Variants in TCF7L1 observed in about 807,000 individuals in gnomAD.
The protein encoded by TCF7L1 is transcription factor 7-like 1.
A neutral mutation model predicts 63.7 loss-of-function variants in TCF7L1; 18 were observed. The observed-to-expected ratio is 0.28, with a 90% CI of 0.20 to 0.42. The LOEUF (loss-of-function observed/expected upper bound fraction) is 0.42. TCF7L1 is among the 10% of genes least tolerant of loss of function. TCF7L1 has a pLI of 1.00. For synonymous variants in TCF7L1, 355 were observed against 340.9 expected (o/e 1.04, Z -0.46); for missense variants, 654 against 779.3 (o/e 0.84, Z 1.91).
intron 3 of TCF7L1, among the ~76,000 whole-genome samples, chr2:85,168,038 G>C (rs1678460533): frequency 6.6e-6 from 1 of 152,058 alleles, no homozygotes; most frequent in Non-Finnish European, 1.5e-5. Flanking sequence ...AGGGAATGGG[G>C]GAAGAGGGAA....
At chr2:85,180,010 G>A (rs1184074921) in intron 3 of TCF7L1, among the ~76,000 whole-genome samples, 1 of 152,098 alleles carries the variant, frequency 6.6e-6, no homozygotes, top group African/African-American at 2.4e-5. Flanking sequence ...CATAGGGGGT[G>A]TCTTGCCCTC....
At chr2:85,238,777 TTTTA>T (rs200688175) in intron 3 of TCF7L1, among the ~76,000 whole-genome samples, 46,737 of 138,888 alleles carry the variant, frequency 0.34, 8,362 homozygotes, top group South Asian at 0.39. Context: ...TTTTGGAGCA[TTTTA>T]TTTATTTATT....
intron 3 of TCF7L1, among the ~76,000 whole-genome samples, chr2:85,208,381 A>G (rs988370412): frequency 1.3e-5 from 2 of 152,194 alleles, no homozygotes; most frequent in Non-Finnish European, 2.9e-5. Flanking sequence ...AGAGAGAGAC[A>G]TACGTATACA....
intron 4 of TCF7L1, among the ~76,000 whole-genome samples, chr2:85,299,877 A>ACACACACACACACACACACACG (rs1261157575): frequency 2.1e-5 from 3 of 144,834 alleles, no homozygotes; most frequent in African/African-American, 8.4e-5. Flanking sequence ...ACACACACAC[A>ACACACACACACACACACACACG]CACACACACA....
At chr2:85,190,315 T>C (rs1431806522) in intron 3 of TCF7L1, among the ~76,000 whole-genome samples, 3 of 152,102 alleles carry the variant, frequency 2.0e-5, no homozygotes, top group Non-Finnish European at 4.4e-5. Flanking sequence ...TTTGAGATCT[T>C]GGAGGGACGA....
intron 4 of TCF7L1, among the ~76,000 whole-genome samples, chr2:85,295,855 G>C (rs1394834321): frequency 7.5e-6 from 1 of 133,104 alleles, no homozygotes; most frequent in Non-Finnish European, 1.5e-5. Context: ...TCGGCTCACT[G>C]CAGCCTCCGC....
chr2:85,183,640 C>T (rs530936570), intron 3 of TCF7L1, among the ~76,000 whole-genome samples: 9 of 152,132 alleles, frequency 5.9e-5, no homozygotes, highest in Admixed American at 1.3e-4. Flanking sequence ...GGAAAATCAT[C>T]GGGCGAGTCA....
intron 3 of TCF7L1, among the ~76,000 whole-genome samples, chr2:85,209,062 G>A (rs1009371024): frequency 3.9e-5 from 6 of 152,188 alleles, no homozygotes; most frequent in Non-Finnish European, 7.3e-5. Context: ...GGTTGTAAGC[G>A]TTTCCTCCGA....
chr2:85,283,267 C>CCCA (rs1553406720), intron 3 of TCF7L1, among the ~76,000 whole-genome samples: 1 of 114,406 alleles, frequency 8.7e-6, no homozygotes, highest in African/African-American at 2.7e-5. Flanking sequence ...CATTCGTGTC[C>CCCA]CCCCCCCCAA....
chr2:85,259,611 C>T (rs1573014108), intron 3 of TCF7L1, among the ~76,000 whole-genome samples: 1 of 152,180 alleles, frequency 6.6e-6, no homozygotes, highest in East Asian at 1.9e-4. Context: ...TAAAGAGAGC[C>T]GTGGGATAAT....
intron 3 of TCF7L1, among the ~76,000 whole-genome samples, chr2:85,160,198 C>T (rs915996775): frequency 3.6e-4 from 55 of 152,176 alleles, no homozygotes; most frequent in Non-Finnish European, 1.3e-4. Context: ...TGTAGTCATG[C>T]CTCCTTCCCC....
At chr2:85,255,274 A>AT (rs1022738011) in intron 3 of TCF7L1, among the ~76,000 whole-genome samples, 1 of 152,048 alleles carries the variant, frequency 6.6e-6, no homozygotes, top group Non-Finnish European at 1.5e-5. Context: ...CCTGGAGGAG[A>AT]TTTTTAATAC....
At chr2:85,191,657 T>C (rs1306794502) in intron 3 of TCF7L1, among the ~76,000 whole-genome samples, 1 of 152,018 alleles carries the variant, frequency 6.6e-6, no homozygotes, top group Non-Finnish European at 1.5e-5. Context: ...AAACTCTGTC[T>C]CTACTAAAAA....
chr2:85,254,002 C>T (rs1680648828), intron 3 of TCF7L1, among the ~76,000 whole-genome samples: 1 of 152,194 alleles, frequency 6.6e-6, no homozygotes, highest in Admixed American at 6.5e-5. Flanking sequence ...GGGATGGTTT[C>T]ACCTTTGGAA....
At chr2:85,177,348 C>A (rs1005921582) in intron 3 of TCF7L1, among the ~76,000 whole-genome samples, 1 of 152,122 alleles carries the variant, frequency 6.6e-6, no homozygotes, top group African/African-American at 2.4e-5. Context: ...GGCACAAACA[C>A]CTTATAATAT....
intron 4 of TCF7L1, among the ~76,000 whole-genome samples, chr2:85,298,423 G>A (rs1300174493): frequency 8.9e-5 from 13 of 146,544 alleles, no homozygotes; most frequent in Admixed American, 4.8e-4. Context: ...CCTGGGAGGC[G>A]GAGGTTGCAG....
intron 3 of TCF7L1, among the ~76,000 whole-genome samples, chr2:85,207,908 AT>A (rs939077825): frequency 5.0e-4 from 76 of 151,806 alleles, no homozygotes; most frequent in East Asian, 1.9e-3. Context: ...TATTAAATGC[AT>A]TTTTTTTGGG....
intron 3 of TCF7L1, among the ~76,000 whole-genome samples, chr2:85,218,236 TTTTATTTATTTATTTA>T: frequency 6.7e-6 from 1 of 149,340 alleles, no homozygotes; most frequent in East Asian, 1.9e-4. Flanking sequence ...ACTTTACTTA[TTTTATTTATTTATTTA>T]TTTATTTATT....
intron 3 of TCF7L1, among the ~76,000 whole-genome samples, chr2:85,139,711 G>A (rs1314554893): frequency 6.6e-6 from 1 of 152,164 alleles, no homozygotes; most frequent in African/African-American, 2.4e-5. Context: ...ATCTTGAGGT[G>A]GGAGCCAGGA....
Sources: gnomAD v4.1 joint callset for allele counts (sites outside exome capture counted in the v4.1 genomes callset) on GRCh38, gnomAD v4.1.1 for gene constraint, MANE v1.5 for transcripts, NCBI Gene and HGNC (gene_info 2026-07-23, HGNC 2026-07-21) for gene names.